SLX4IP: variants seen among roughly 807,000 people sequenced by gnomAD.
SLX4IP encodes SLX4 interacting protein, also known as protein SLX4IP.
Under a neutral mutation model 32.9 loss-of-function variants are expected in SLX4IP, and 34 were observed. That is an observed-to-expected ratio of 1.03 (90% CI 0.79 to 1.38). SLX4IP has a LOEUF of 1.38. SLX4IP is among the 40% of genes most tolerant of loss of function. The pLI is 0.00. For missense variants in SLX4IP, 444 were observed against 479.0 expected (o/e 0.93, Z 0.68); for synonymous variants, 172 against 171.7 (o/e 1.00, Z -0.01).
In SLX4IP at chr20:10,537,069, A is replaced by G. The variant is rs112924045; in HGVS notation, c.28-19162A>G. ...CTAATATCTCTGAAGCTTAGGGCAT[A>G]GAACATTAGAGGCCTGGGATAAACA... On this transcript the variant is annotated intron_variant, in intron 2 of 7. Coordinates refer to ENST00000334534, the MANE Select transcript of SLX4IP (RefSeq NM_001009608.3). 3.3e-3 allele frequency among the ~76,000 whole-genome samples: 503 copies of G among 152,368 alleles called. 7 individuals carry two copies. The highest frequency in any genetic ancestry group is 0.011 in the African/African-American group (445 of 41,586).
At chr20:10,451,543 A>G (rs765040793) in intron 1 of SLX4IP, among the ~76,000 whole-genome samples, 15 of 152,350 alleles carry the variant, frequency 9.8e-5, no homozygotes, top group Middle Eastern at 3.4e-3. Flanking sequence ...AGCACCTGAC[A>G]CATGACCAGT....
rs1001743800 is a variant in SLX4IP, at chr20:10,614,083, G to A, written c.406-7231G>A. 39 of 1,541,916 alleles carry A rather than the reference G, an allele frequency of 2.5e-5. No individual in the cohort carries two copies. The East Asian group carries it at 4.4e-4, about 17-fold the overall frequency. On this transcript the variant is annotated intron_variant, in intron 6 of 7. Coordinates refer to ENST00000334534, the MANE Select transcript of SLX4IP (RefSeq NM_001009608.3). ...TCCTCCTTGTCGCCCTCGCCCACCC[G>A]GTCCAGGTGTACCTGCAGGGACACC...
intron 2 of SLX4IP, among the ~76,000 whole-genome samples, chr20:10,531,066 T>C (rs2065984876): frequency 6.6e-6 from 1 of 152,212 alleles, no homozygotes; most frequent in South Asian, 2.1e-4. Context: ...CACTGAGCAA[T>C]GTGACATGAA....
At chr20:10,527,498 C>CT (rs1568724774) in intron 2 of SLX4IP, among the ~76,000 whole-genome samples, 1 of 152,166 alleles carries the variant, frequency 6.6e-6, no homozygotes, top group Non-Finnish European at 1.5e-5. Flanking sequence ...ATATGAGCCC[C>CT]TTTACTTCTT....
At chr20:10,543,154 A>C (rs2066126239) in intron 2 of SLX4IP, among the ~76,000 whole-genome samples, 1 of 152,168 alleles carries the variant, frequency 6.6e-6, no homozygotes, top group Non-Finnish European at 1.5e-5. Context: ...AGCTCCTACC[A>C]TGTGCCAGGC....
chr20:10,596,344 A>G (rs2066771143), intron 4 of SLX4IP, among the ~76,000 whole-genome samples: 2 of 151,996 alleles, frequency 1.3e-5, no homozygotes, highest in African/African-American at 4.8e-5. Flanking sequence ...TGCCTCAGCC[A>G]CCTGAGCAGC....
At chr20:10,596,508 C>A (rs1268617394) in intron 4 of SLX4IP, among the ~76,000 whole-genome samples, 2 of 152,140 alleles carry the variant, frequency 1.3e-5, no homozygotes, top group African/African-American at 4.8e-5. Context: ...AGGTTACAGG[C>A]ATGAGCACCA....
At chr20:10,614,316 C>T (rs2067001880) in intron 6 of SLX4IP, 1 of 582,236 alleles carries the variant, frequency 1.7e-6, no homozygotes, top group South Asian at 2.2e-5. Flanking sequence ...ATTTTAAAGA[C>T]ATTGAATAGC....
intron 2 of SLX4IP, among the ~76,000 whole-genome samples, chr20:10,512,778 CTATATATATA>C (rs57942782): frequency 0.019 from 498 of 25,550 alleles, 4 homozygotes; most frequent in South Asian, 0.034. Context: ...CACACACACT[CTATATATATA>C]TATATATATA....
intron 1 of SLX4IP, among the ~76,000 whole-genome samples, chr20:10,455,154 T>C (rs2065274287): frequency 6.6e-6 from 1 of 152,218 alleles, no homozygotes; most frequent in South Asian, 2.1e-4. Flanking sequence ...GATGTATGAT[T>C]TGCAGATTTT....
chr20:10,553,122 G>A (rs1468061875), intron 2 of SLX4IP, among the ~76,000 whole-genome samples: 1 of 152,068 alleles, frequency 6.6e-6, no homozygotes, highest in Non-Finnish European at 1.5e-5. Flanking sequence ...AGTAAATTTA[G>A]TTTTCCTTTT....
At chr20:10,507,119 A>G (rs980454304) in intron 2 of SLX4IP, among the ~76,000 whole-genome samples, 1 of 152,212 alleles carries the variant, frequency 6.6e-6, no homozygotes, top group Non-Finnish European at 1.5e-5. Context: ...GCTTGAGAAG[A>G]CTTGAAGAGA....
At chr20:10,475,647 G>C (rs1166918582) in intron 2 of SLX4IP, among the ~76,000 whole-genome samples, 3 of 152,190 alleles carry the variant, frequency 2.0e-5, no homozygotes, top group Non-Finnish European at 2.9e-5. Flanking sequence ...TGTTGCAGAA[G>C]ATAGTGGCTC....
At position 10,622,746 on chromosome 20, in the gene SLX4IP, T is replaced by A. The variant is rs962042766; in HGVS notation, c.594T>A (p.Ile198=). 1 of 1,614,038 alleles carries A rather than the reference T, an allele frequency of 6.2e-7. No individual in the cohort carries two copies. The highest frequency in any genetic ancestry group is 1.3e-5 in the African/African-American group (1 of 74,922). The change falls in exon 8 of 8, where the codon ATT becomes ATA. Residue 198 remains isoleucine, a synonymous_variant. Coordinates refer to ENST00000334534, the MANE Select transcript of SLX4IP (RefSeq NM_001009608.3). ...TGGAAACATCTAGTGACTCAGTGATTGCAGAGATAGCAAGGAGGAGGAATG... is the reference window on the plus strand; with the variant it reads ...TGGAAACATCTAGTGACTCAGTGATAGCAGAGATAGCAAGGAGGAGGAATG... ...DTVETSSDSV[I]AEIARRRNDG... is the part of the protein sequence containing the mutation.
chr20:10,457,523 G>T (rs760253502), intron 1 of SLX4IP, among the ~76,000 whole-genome samples: 5 of 150,362 alleles, frequency 3.3e-5, no homozygotes, highest in Non-Finnish European at 3.0e-5. Flanking sequence ...TTAATTTTCA[G>T]ATCTTAAACT....
intron 4 of SLX4IP, among the ~76,000 whole-genome samples, chr20:10,582,407 T>C (rs1013458307): frequency 7.9e-5 from 12 of 152,252 alleles, no homozygotes; most frequent in African/African-American, 2.4e-4. Context: ...TCTGTGTTTT[T>C]AGCAGGAAGG....
chr20:10,569,582 A>T (rs2066437965), intron 4 of SLX4IP, among the ~76,000 whole-genome samples: 1 of 152,148 alleles, frequency 6.6e-6, no homozygotes, highest in Non-Finnish European at 1.5e-5. Context: ...AAGTCTAAAG[A>T]CTAGAAGTGT....
At chr20:10,460,875 C>T (rs533801354) in intron 2 of SLX4IP, among the ~76,000 whole-genome samples, 2 of 152,226 alleles carry the variant, frequency 1.3e-5, no homozygotes, top group South Asian at 4.1e-4. Flanking sequence ...TCTGATTGCT[C>T]TTAAGATTTA....
At chr20:10,446,194 A>T (rs28854593) in intron 1 of SLX4IP, among the ~76,000 whole-genome samples, 1 of 151,846 alleles carries the variant, frequency 6.6e-6, no homozygotes, top group Middle Eastern at 3.4e-3. Flanking sequence ...TGGGTGGATC[A>T]CAAGGTCAGG....
Sources: allele counts gnomAD v4.1 joint callset (sites outside exome capture counted in the v4.1 genomes callset), GRCh38; gene constraint gnomAD v4.1.1; transcripts MANE v1.5; gene names NCBI Gene and HGNC (gene_info 2026-07-23, HGNC 2026-07-21).